PCDHGA1: variants seen among roughly 807,000 people sequenced by gnomAD.
The protein encoded by PCDHGA1 is protocadherin gamma subfamily A, 1.
A neutral mutation model predicts 58.0 loss-of-function variants in PCDHGA1; 32 were observed. The ratio of observed to expected loss-of-function variants is 0.55; its 90% CI spans 0.42 to 0.74. The LOEUF (loss-of-function observed/expected upper bound fraction) is 0.74. Among genes scored for constraint, PCDHGA1 ranks in the 30% least tolerant of loss-of-function variants. The pLI is 0.00. For synonymous variants in PCDHGA1, 498 were observed against 501.1 expected (o/e 0.99, Z 0.08); for missense variants, 1,205 against 1,182.3 (o/e 1.02, Z -0.28).
At chr5:141,345,253 C>T (rs1259196746) in intron 1 of PCDHGA1, 2 of 1,613,946 alleles carry the variant, frequency 1.2e-6, no homozygotes, top group Non-Finnish European at 1.7e-6. Flanking sequence ...TTAGTGACGG[C>T]CACATCCCTG....
intron 1 of PCDHGA1, chr5:141,393,628 G>A: frequency 6.2e-7 from 1 of 1,613,922 alleles, no homozygotes; most frequent in African/African-American, 1.3e-5. Context: ...CCGGATGAGG[G>A]AATCAACGGA....
At chr5:141,376,200 C>A (rs1220789915) in intron 1 of PCDHGA1, 2 of 1,614,086 alleles carry the variant, frequency 1.2e-6, no homozygotes, top group Non-Finnish European at 1.7e-6. Context: ...GTCTTCCTGG[C>A]CTTCGTCATC....
chr5:141,419,165 A>G, intron 1 of PCDHGA1: 1 of 1,613,978 alleles, frequency 6.2e-7, no homozygotes, highest in Non-Finnish European at 8.5e-7. Flanking sequence ...ATCCTCCAGC[A>G]AAACCATAAC....
intron 1 of PCDHGA1, chr5:141,400,276 C>T: frequency 6.2e-7 from 1 of 1,614,048 alleles, no homozygotes; most frequent in Non-Finnish European, 8.5e-7. Flanking sequence ...CTCCTCCAGC[C>T]CTGCCGCCTG....
At chr5:141,406,070 T>A (rs1451280596) in intron 1 of PCDHGA1, among the ~76,000 whole-genome samples, 1 of 136,270 alleles carries the variant, frequency 7.3e-6, no homozygotes, top group Admixed American at 7.2e-5. Flanking sequence ...AAATTCTTAC[T>A]CCTTTTTTTT....
Position 141,332,020 on chromosome 5 carries a change from A to G in PCDHGA1, c.1336A>G (p.Asn446Asp). ...THISLLVTDI[N>D]DNSPVFHQDS... The stretch of plus-strand genomic sequence containing the variant: ...CATTTCACTACTAGTGACAGATATC[A>G]ATGACAACTCCCCAGTCTTCCATCA... Residue 446 changes from asparagine (N) to aspartate (D), a missense_variant, in exon 1 of 4, where the codon AAT becomes GAT. Asn to Asp is a conservative substitution (Grantham distance 23). Coordinates refer to ENST00000517417, the MANE Select transcript of PCDHGA1 (RefSeq NM_018912.3). This position sits in a 1 kb window ranked among gnomAD's most constrained non-coding sequence, Gnocchi z 4.6. 1 of 1,614,130 alleles carries G rather than the reference A, an allele frequency of 6.2e-7. No individual in the cohort carries two copies.
chr5:141,449,708 AT>A (rs2098652573), intron 1 of PCDHGA1, among the ~76,000 whole-genome samples: 1 of 151,520 alleles, frequency 6.6e-6, no homozygotes. Context: ...CAAACACATT[AT>A]TTTTATATGA....
intron 1 of PCDHGA1, among the ~76,000 whole-genome samples, chr5:141,426,066 A>T (rs1488003387): frequency 6.6e-6 from 1 of 152,196 alleles, no homozygotes; most frequent in Admixed American, 6.5e-5. Context: ...CAAGAACTGG[A>T]GCCTGGGATC....
At chr5:141,352,604 T>C in intron 1 of PCDHGA1, 1 of 1,613,552 alleles carries the variant, frequency 6.2e-7, no homozygotes, top group Non-Finnish European at 8.5e-7. Context: ...TGATGATCCT[T>C]CTATGGTTGT....
intron 1 of PCDHGA1, chr5:141,383,716 G>A (rs1012308132): frequency 6.2e-7 from 1 of 1,614,012 alleles, no homozygotes; most frequent in Non-Finnish European, 8.5e-7. Context: ...GGACGAGGGA[G>A]TCAATGGGGA....
intron 1 of PCDHGA1, among the ~76,000 whole-genome samples, chr5:141,483,276 TA>T (rs755290434): frequency 2.2e-4 from 33 of 152,238 alleles, no homozygotes; most frequent in Non-Finnish European, 3.8e-4. Context: ...TTAGAAATAT[TA>T]TTCTGTCAGT....
chr5:141,368,577 T>G (rs1765736548), intron 1 of PCDHGA1, among the ~76,000 whole-genome samples: 1 of 152,068 alleles, frequency 6.6e-6, no homozygotes, highest in Admixed American at 6.5e-5. Flanking sequence ...CTTCTTAGGG[T>G]AAGGTGTTTG....
intron 1 of PCDHGA1, among the ~76,000 whole-genome samples, chr5:141,463,087 C>T (rs971667191): frequency 6.6e-6 from 1 of 152,120 alleles, no homozygotes; most frequent in Non-Finnish European, 1.5e-5. Context: ...CATTTTCCAG[C>T]CCTATGTGAC....
intron 1 of PCDHGA1, among the ~76,000 whole-genome samples, chr5:141,483,575 A>G (rs1165739266): frequency 6.6e-6 from 1 of 152,194 alleles, no homozygotes; most frequent in Non-Finnish European, 1.5e-5. Flanking sequence ...GAATTCTGGC[A>G]TAAACACCTA....
chr5:141,509,059 C>T (rs1313349089), intron 3 of PCDHGA1, among the ~76,000 whole-genome samples: 2 of 152,182 alleles, frequency 1.3e-5, no homozygotes, highest in Non-Finnish European at 2.9e-5. Flanking sequence ...CCAGAAAGCT[C>T]TCAGCTCCGG....
chr5:141,376,217 C>T (rs1387510502), intron 1 of PCDHGA1: 1 of 1,614,210 alleles, frequency 6.2e-7, no homozygotes, highest in Non-Finnish European at 8.5e-7. Flanking sequence ...CATCGTGCTG[C>T]TGGCGCTCAG....
chr5:141,447,329 G>A (rs1328071539), intron 1 of PCDHGA1, among the ~76,000 whole-genome samples: 6 of 151,732 alleles, frequency 4.0e-5, no homozygotes, highest in Admixed American at 1.3e-4. Context: ...TAGTAGAGAC[G>A]GGTTTCATCA....
chr5:141,405,191 C>T (rs573277021), intron 1 of PCDHGA1: 28 of 1,612,832 alleles, frequency 1.7e-5, no homozygotes, highest in South Asian at 1.6e-4. Context: ...AGATGGGGTT[C>T]GAGCTTTCCT....
Position 141,331,479 on chromosome 5 carries a change from T to C in PCDHGA1, c.795T>C (p.Asn265=). 6.2e-7 allele frequency: 1 copy of C among 1,614,178 alleles called. No individual in the cohort carries two copies. Among genetic ancestry groups the C allele is most frequent in the Non-Finnish European group, 8.5e-7 (1 of 1,180,040 alleles). ...VPLGTQLLMV[N]ATDPDEGANG... ...TGGGTACTCAGCTGCTCATGGTAAA[T>C]GCCACTGACCCTGATGAGGGAGCCA... The change falls in exon 1 of 4, where the codon AAT becomes AAC. Residue 265 remains asparagine (N), a synonymous_variant. Coordinates refer to ENST00000517417, the MANE Select transcript of PCDHGA1 (RefSeq NM_018912.3).
Sources: gnomAD v4.1 joint callset for allele counts (sites outside exome capture counted in the v4.1 genomes callset) on GRCh38, gnomAD v4.1.1 for gene constraint, Gnocchi (gnomAD v3.1) non-coding constraint, MANE v1.5 for transcripts, NCBI Gene and HGNC (gene_info 2026-07-23, HGNC 2026-07-21) for gene names.